Variants in WDPCP observed in about 807,000 individuals in gnomAD.
The protein encoded by WDPCP is WD repeat-containing and planar cell polarity effector protein fritz homolog.
WDPCP carries 71 observed loss-of-function variants against 93.1 expected under a neutral mutation model. The ratio of observed to expected loss-of-function variants is 0.76; its 90% CI spans 0.63 to 0.93. The LOEUF is 0.93. Among genes scored for constraint, WDPCP ranks in the 40% least tolerant of loss-of-function variants. WDPCP has a pLI of 0.00. For synonymous variants in WDPCP, 315 were observed against 315.0 expected, an observed-to-expected ratio of 1.00 and a Z score of 0.00; for missense variants, 844 against 887.4, an observed-to-expected ratio of 0.95 and a Z score of 0.62.
At chr2:63,751,763 G>A (rs1669886422) in intron 2 of WDPCP, 1 of 594,294 alleles carries the variant, frequency 1.7e-6, no homozygotes, top group Non-Finnish European at 3.2e-6. Context: ...TTTGTGGTTT[G>A]GCAAAGTATT....
At chr2:63,306,819 T>G (rs1271278335) in intron 13 of WDPCP, among the ~76,000 whole-genome samples, 1 of 152,174 alleles carries the variant, frequency 6.6e-6, no homozygotes, top group African/African-American at 2.4e-5. Context: ...GCATTCCCTT[T>G]GAAAACCAGC....
chr2:63,677,966 T>C (rs1170440368), intron 2 of WDPCP, among the ~76,000 whole-genome samples: 2 of 152,242 alleles, frequency 1.3e-5, no homozygotes, highest in Non-Finnish European at 2.9e-5. Flanking sequence ...CAAAAAAGTA[T>C]TCTCATATAA....
the WDPCP span, among the ~76,000 whole-genome samples, chr2:63,834,574 G>A: frequency 6.6e-6 from 1 of 152,190 alleles, no homozygotes; most frequent in Non-Finnish European, 1.5e-5. Flanking sequence ...GGAGCCCCTG[G>A]CCTGGTTGCA....
intron 2 of WDPCP, among the ~76,000 whole-genome samples, chr2:63,792,401 A>G (rs1175899400): frequency 6.6e-6 from 1 of 152,188 alleles, no homozygotes; most frequent in African/African-American, 2.4e-5. Context: ...AACTGCCCCC[A>G]TGATCCAATC....
intron 14 of WDPCP, among the ~76,000 whole-genome samples, chr2:63,210,072 A>T (rs1159987304): frequency 6.6e-6 from 1 of 152,072 alleles, no homozygotes. Context: ...ATTAGAAAGA[A>T]GAGTACATTT....
chr2:63,412,001 A>G (rs566714079), intron 9 of WDPCP, among the ~76,000 whole-genome samples: 2 of 152,276 alleles, frequency 1.3e-5, no homozygotes, highest in East Asian at 3.9e-4. Flanking sequence ...AAGATAGAGA[A>G]AGGAACAACC....
chr2:63,180,906 T>C (rs1362661987), intron 14 of WDPCP, among the ~76,000 whole-genome samples: 1 of 152,198 alleles, frequency 6.6e-6, no homozygotes, highest in African/African-American at 2.4e-5. Flanking sequence ...GTGGTTTTAA[T>C]TTGCATTTCT....
intron 6 of WDPCP, among the ~76,000 whole-genome samples, chr2:63,481,875 C>T (rs924235097): frequency 1.2e-4 from 18 of 150,968 alleles, no homozygotes; most frequent in African/African-American, 3.9e-4. Flanking sequence ...CACCTGTTCC[C>T]CCAAAAACCT....
intron 2 of WDPCP, among the ~76,000 whole-genome samples, chr2:63,678,208 A>G (rs1710447008): frequency 6.6e-6 from 1 of 152,186 alleles, no homozygotes; most frequent in Admixed American, 6.5e-5. Context: ...GGCTTTCAGT[A>G]TTATGGTCAA....
intron 1 of WDPCP, among the ~76,000 whole-genome samples, chr2:63,583,588 G>C (rs1187937134): frequency 6.6e-6 from 1 of 151,498 alleles, no homozygotes; most frequent in African/African-American, 2.4e-5. Context: ...GGCTGAGGCA[G>C]AAGAATTGCT....
intron 1 of WDPCP, among the ~76,000 whole-genome samples, chr2:63,567,303 A>G (rs1707150457): frequency 6.6e-6 from 1 of 152,038 alleles, no homozygotes; most frequent in Non-Finnish European, 1.5e-5. Context: ...TTCCAAAACT[A>G]TCTAGGGACC....
intron 3 of WDPCP, chr2:63,594,314 A>G (rs753275679): frequency 2.8e-6 from 2 of 719,406 alleles, no homozygotes; most frequent in Non-Finnish European, 5.2e-6. Flanking sequence ...TGAGAGTTAA[A>G]TAACACCACG....
intron 12 of WDPCP, among the ~76,000 whole-genome samples, chr2:63,352,970 T>A (rs1296188309): frequency 6.6e-6 from 1 of 152,002 alleles, no homozygotes; most frequent in African/African-American, 2.4e-5. Flanking sequence ...AGTCCTTTTT[T>A]AAAAAAAATC....
intron 12 of WDPCP, among the ~76,000 whole-genome samples, chr2:63,325,642 T>C (rs565726509): frequency 2.6e-5 from 4 of 152,328 alleles, no homozygotes; most frequent in Middle Eastern, 3.4e-3. Flanking sequence ...TCAGTTGTAA[T>C]TGATAGACTT....
At chr2:63,248,093 T>C (rs1048995097) in intron 14 of WDPCP, among the ~76,000 whole-genome samples, 3 of 152,200 alleles carry the variant, frequency 2.0e-5, no homozygotes, top group African/African-American at 7.2e-5. Flanking sequence ...CATCTTTATA[T>C]ATTGTGTACC....
upstream of WDPCP, among the ~76,000 whole-genome samples, chr2:63,592,703 A>G (rs969843839): frequency 6.6e-6 from 1 of 152,248 alleles, no homozygotes; most frequent in Non-Finnish European, 1.5e-5. Context: ...AGCACGTTAC[A>G]TATGTTTTCA....
chr2:63,619,817 G>A (rs974371198), intron 3 of WDPCP, among the ~76,000 whole-genome samples: 2 of 152,188 alleles, frequency 1.3e-5, no homozygotes, highest in African/African-American at 4.8e-5. Flanking sequence ...CCCAACTGAG[G>A]TACCCAGCTC....
At chr2:63,505,594 T>C (rs952387222) in intron 1 of WDPCP, among the ~76,000 whole-genome samples, 2 of 152,074 alleles carry the variant, frequency 1.3e-5, no homozygotes, top group Admixed American at 6.6e-5. Context: ...TATTAAGACA[T>C]AGAAGAGTAA....
chr2:63,292,633 GACTTC>G (rs1422494068), intron 13 of WDPCP, among the ~76,000 whole-genome samples: 3 of 152,140 alleles, frequency 2.0e-5, no homozygotes, highest in Non-Finnish European at 4.4e-5. Context: ...CCACAATAAA[GACTTC>G]TGGGTCTCAC....
Sources: allele counts gnomAD v4.1 joint callset (sites outside exome capture counted in the v4.1 genomes callset), GRCh38; gene constraint gnomAD v4.1.1; transcripts MANE v1.5; gene names NCBI Gene and HGNC (gene_info 2026-07-23, HGNC 2026-07-21).